The following RASGRP4 variants were observed in gnomAD, a reference collection of about 807,000 sequenced individuals.
RASGRP4 encodes the protein RAS guanyl releasing protein 4.
A neutral mutation model predicts 84.4 loss-of-function variants in RASGRP4; 52 were observed. The ratio of observed to expected loss-of-function variants is 0.62; its 90% CI spans 0.49 to 0.78. The LOEUF is 0.78. Among genes scored for constraint, RASGRP4 ranks in the 30% least tolerant of loss-of-function variants. The pLI is 0.00. For synonymous variants in RASGRP4, 356 were observed against 359.1 expected (o/e 0.99, Z 0.10); for missense variants, 760 against 886.9 (o/e 0.86, Z 1.82).
rs1971243098 is a variant in RASGRP4, at chr19:38,411,253, G to A, written c.1718-4C>T. ...TTGTGGCAACACAGCCCGCACTCTG[G>A]GGGAAGGCAGCGGCAGGGGTCCGAT... is the stretch of plus-strand genomic sequence containing the variant. On this transcript the variant is annotated splice_polypyrimidine_tract_variant and splice_region_variant and intron_variant, in intron 14 of 16. Transcript: ENST00000615439. 1 of 1,613,848 alleles carries A rather than the reference G, an allele frequency of 6.2e-7. No homozygotes were observed. The highest frequency in any genetic ancestry group is 8.5e-7 in the Non-Finnish European group (1 of 1,179,884).
intron 5 of RASGRP4, 31 bp from the exon 6 acceptor site, chr19:38,420,044 T>A: frequency 6.2e-7 from 1 of 1,609,710 alleles, no homozygotes; most frequent in Non-Finnish European, 8.5e-7. Flanking sequence ...GGTATTGGAG[T>A]GGCTCACAGT....
In RASGRP4 at chr19:38,414,906, G is replaced by T. The variant is rs769701535; in HGVS notation, c.1172C>A (p.Ala391Asp). ...NLYLRLQELV[A>D]LQGQHPPCSA... ...GCAGGGTGGATGCTGCCCTTGGAGG[G>T]CCACCAGCTCCTGCAGCCGCAGGTA... The change falls in exon 9 of 17, where the codon GCC (alanine) becomes GAC (aspartate). Residue 391 changes from alanine to aspartate, a missense_variant. Transcript: ENST00000615439. The T allele has an allele frequency of 6.6e-5, 106 of 1,609,924 alleles. No homozygotes were observed. Among genetic ancestry groups the T allele is most frequent in the Non-Finnish European group, 8.3e-5 (98 of 1,178,512 alleles).
chr19:38,409,159 C>T lies in RASGRP4; in HGVS notation c.*881G>A. On this transcript the variant is annotated 3_prime_UTR_variant, in exon 17 of 17. Coordinates refer to ENST00000615439, the MANE Select transcript of RASGRP4 (RefSeq NM_170604.3). Reference sequence around the variant, plus strand: ...TGAAGGGGTTGGGGGGGTCTCTGCTCCCTGGGACTGAATGGGCCCCTGCTG... The same window carrying T: ...TGAAGGGGTTGGGGGGGTCTCTGCTTCCTGGGACTGAATGGGCCCCTGCTG... The T allele has an allele frequency of 3.2e-6, 1 of 313,740 alleles. No individual in the cohort carries two copies. The highest frequency in any genetic ancestry group is 5.8e-6 in the Non-Finnish European group (1 of 171,420). 19.4% of individuals were successfully genotyped at this position (313,740 alleles called of 1,614,324 possible). A position where few individuals can be genotyped will look rare whatever the true frequency, so the allele number is the denominator to read the frequency against.
chr19:38,416,842 C>T (rs936905931), intron 8 of RASGRP4, among the ~76,000 whole-genome samples: 3 of 152,154 alleles, frequency 2.0e-5, no homozygotes, highest in African/African-American at 7.2e-5. Flanking sequence ...GGACCAGACA[C>T]ACTGAAAGCA....
At position 38,410,001 on chromosome 19, in the gene RASGRP4, GGGGGAA is replaced by G; in HGVS notation, c.*33_*38del. 6.4e-7 allele frequency: 1 copy of G among 1,566,376 alleles called. No homozygotes were observed. Among genetic ancestry groups the G allele is most frequent in the Non-Finnish European group, 8.7e-7 (1 of 1,144,356 alleles). ...CTGACGGCAGGACTCAGGACTGACT[GGGGGAA>G]GGGAGTGAGGAAGAGAGGAGACCAA... is the stretch of plus-strand genomic sequence containing the variant. On this transcript the variant is annotated 3_prime_UTR_variant, in exon 17 of 17. Coordinates refer to ENST00000615439, the MANE Select transcript of RASGRP4 (RefSeq NM_170604.3).
At chr19:38,410,188 C>T in intron 16 of RASGRP4, 92 bp from the exon 17 acceptor site, 1 of 960,524 alleles carries the variant, frequency 1.0e-6, no homozygotes, top group Non-Finnish European at 1.6e-6. Context: ...CACTTCCCTG[C>T]CCAGACTGGT....
chr19:38,421,387 C>A (rs1234203949), intron 2 of RASGRP4, among the ~76,000 whole-genome samples, 187 bp from the exon 3 acceptor site: 1 of 152,208 alleles, frequency 6.6e-6, no homozygotes, highest in East Asian at 1.9e-4. Context: ...GGGGCAGCAT[C>A]ACCCCTGGCA....
intron 1 of RASGRP4, among the ~76,000 whole-genome samples, chr19:38,425,704 A>C (rs944221798): frequency 6.6e-6 from 1 of 151,528 alleles, no homozygotes; most frequent in East Asian, 1.9e-4. Context: ...CCTGTGCCAC[A>C]CTCCCCTCTC....
rs890940756 is a variant in RASGRP4, at chr19:38,412,063, C to T, written c.1680+609G>A. 6.6e-6 allele frequency among the ~76,000 whole-genome samples: 1 copy of T among 151,644 alleles called. No individual in the cohort carries two copies. The highest frequency in any genetic ancestry group is 2.4e-5 in the African/African-American group (1 of 41,268). On this transcript the variant is annotated intron_variant, in intron 13 of 16. Transcript: ENST00000615439. This position sits in a 1 kb window ranked among gnomAD's most constrained non-coding sequence, Gnocchi z 4.6. The stretch of plus-strand genomic sequence containing the variant: ...TGATTCTGTTTGAACATAATCTACC[C>T]GGTTTGGAGATTATCCAGGTTTGTT...
chr19:38,415,531 G>T (rs542396925), intron 8 of RASGRP4, among the ~76,000 whole-genome samples: 3 of 151,470 alleles, frequency 2.0e-5, no homozygotes, highest in Admixed American at 1.3e-4. Context: ...GAGCCACCAC[G>T]CCAGGCTAAT....
Position 38,412,528 on chromosome 19 carries a change from G to C in RASGRP4, c.1680+144C>G. 2.7e-6 allele frequency: 2 copies of C among 743,868 alleles called. No homozygotes were observed. Among genetic ancestry groups the C allele is most frequent in the Non-Finnish European group, 4.3e-6 (2 of 466,126 alleles). 46.1% of individuals were successfully genotyped at this position (743,868 alleles called of 1,614,324 possible). On this transcript the variant is annotated intron_variant, in intron 13 of 16. Coordinates refer to ENST00000615439, the MANE Select transcript of RASGRP4 (RefSeq NM_170604.3). This position sits in a 1 kb window ranked among gnomAD's most constrained non-coding sequence, Gnocchi z 4.6. ...CATTTGGAGATTATCCAGGATATAG[G>C]GAATGTCTGGTGTTTAGGGTTTATA... is the stretch of plus-strand genomic sequence containing the variant.
At chr19:38,419,230 T>C (rs1333873005) in intron 6 of RASGRP4, among the ~76,000 whole-genome samples, 3 of 152,070 alleles carry the variant, frequency 2.0e-5, no homozygotes, top group Non-Finnish European at 4.4e-5. Context: ...TATATGACAA[T>C]TTCAAATGGT....
In RASGRP4 at chr19:38,426,068, C is replaced by A; in HGVS notation, c.23+1G>T. ...GGGCTCCCTGGGGAGGGTCCTCTCA[C>A]CTCTTACTGTCTTTTCTGTTCATGC... is the stretch of plus-strand genomic sequence containing the variant. On this transcript the variant is annotated splice_donor_variant, in intron 1 of 16. Coordinates refer to ENST00000615439, the MANE Select transcript of RASGRP4 (RefSeq NM_170604.3). LOFTEE classifies it high-confidence loss of function. The A allele has an allele frequency of 7.4e-7, 1 of 1,359,144 alleles. No homozygotes were observed. Among genetic ancestry groups the A allele is most frequent in the Non-Finnish European group, 9.6e-7 (1 of 1,046,772 alleles). 84.2% of individuals were successfully genotyped at this position (1,359,144 alleles called of 1,614,324 possible).
chr19:38,413,237 G>T lies in RASGRP4; in HGVS notation c.1372C>A (p.Pro458Thr), dbSNP rs1380421516. The change falls in exon 11 of 17, where the codon CCG (proline) becomes ACG (threonine). Residue 458 changes from proline (P) to threonine (T), a missense_variant. Pro to Thr is a conservative substitution (Grantham distance 38). Transcript: ENST00000615439. The surrounding 1 kb of genome is among the most constrained non-coding windows in gnomAD (Gnocchi z 4.7). ...TGCCGACCCAGTGTGACCCTGTCCG[G>T]CTTGGGTGTCACACCAGGGGCCCAC... is the stretch of plus-strand genomic sequence containing the variant. ...VEWAPGVTPK[P>T]DRVTLGRHVE... 2 of 1,613,784 alleles carry T rather than the reference G, an allele frequency of 1.2e-6. No individual in the cohort carries two copies. The highest frequency in any genetic ancestry group is 1.7e-6 in the Non-Finnish European group (2 of 1,179,870).
intron 9 of RASGRP4, among the ~76,000 whole-genome samples, chr19:38,414,315 TTTTA>T: frequency 6.6e-6 from 1 of 151,910 alleles, no homozygotes; most frequent in Non-Finnish European, 1.5e-5. Context: ...TTTATTTTAT[TTTTA>T]TTTATTTATT....
Position 38,413,546 on chromosome 19 carries a change from G to C in RASGRP4, c.1231-72C>G, listed in dbSNP as rs989520222. On this transcript the variant is annotated intron_variant, in intron 9 of 16. Transcript: ENST00000615439. This position sits in a 1 kb window ranked among gnomAD's most constrained non-coding sequence, Gnocchi z 4.7. The stretch of plus-strand genomic sequence containing the variant: ...CCCAGACCCCCACACCCACTCGCAG[G>C]CTCTTCCCAAAGCCCCTCCTGGGTT... 7.0e-5 allele frequency: 91 copies of C among 1,303,234 alleles called. No homozygotes were observed. In the African/African-American group the frequency reaches 1.1e-3, roughly 16 times the overall value. 80.7% of individuals were successfully genotyped at this position (1,303,234 alleles called of 1,614,324 possible).
chr19:38,417,269 G>A lies in RASGRP4; in HGVS notation c.838-101C>T. The A allele has an allele frequency of 6.7e-6, 5 of 741,382 alleles. No individual in the cohort carries two copies. The highest frequency in any genetic ancestry group is 1.2e-5 in the Non-Finnish European group (5 of 420,184). The allele number at this position is 741,382 out of a possible 1,614,324, so 45.9% of individuals were successfully genotyped here. On this transcript the variant is annotated intron_variant, in intron 7 of 16. Transcript: ENST00000615439. The surrounding 1 kb of genome is among the most constrained non-coding windows in gnomAD (Gnocchi z 5.1). Reference sequence around the variant, plus strand: ...TTGAGGTGGGGTCCCAGGCATGTGTGGACCAATGTGGGGATCAGACAGGTG... The same window carrying A: ...TTGAGGTGGGGTCCCAGGCATGTGTAGACCAATGTGGGGATCAGACAGGTG...
rs778124312 is a variant in RASGRP4, at chr19:38,413,397, G to C, written c.1308C>G (p.Ser436Arg). Reference sequence around the variant, plus strand: ...GAGGCCAGGGGTTGGGTCTCACCAGGCTCTTGGGACAACGCGGCTCCCGGG... The same window carrying C: ...GAGGCCAGGGGTTGGGTCTCACCAGCCTCTTGGGACAACGCGGCTCCCGGG... ...SYAREPRCPK[S>R]LPPSPFNAPL... Residue 436 changes from serine (S) to arginine (R), a missense_variant, in exon 10 of 17, where the codon AGC becomes AGG. Transcript: ENST00000615439. This position sits in a 1 kb window ranked among gnomAD's most constrained non-coding sequence, Gnocchi z 4.7. The C allele has an allele frequency of 1.2e-6, 2 of 1,609,466 alleles. No homozygotes were observed. Among genetic ancestry groups the C allele is most frequent in the East Asian group, 2.2e-5 (1 of 44,716 alleles).
chr19:38,414,699 C>T (rs961144789), intron 9 of RASGRP4, 149 bp downstream of exon 9: 9 of 775,812 alleles, frequency 1.2e-5, no homozygotes, highest in African/African-American at 3.5e-5. Context: ...CCCAAGATCA[C>T]GCAGCTAGAA....
Sources: gnomAD v4.1 joint callset for allele counts (sites outside exome capture counted in the v4.1 genomes callset) on GRCh38, gnomAD v4.1.1 for gene constraint, Gnocchi (gnomAD v3.1) non-coding constraint, MANE v1.5 for transcripts, NCBI Gene and HGNC (gene_info 2026-07-23, HGNC 2026-07-21) for gene names.